EXOC4: variants seen among roughly 807,000 people sequenced by gnomAD.
The protein encoded by EXOC4 is SEC8-like 1.
Under a neutral mutation model 107.2 loss-of-function variants are expected in EXOC4, and 71 were observed. The observed-to-expected ratio is 0.66, with a 90% CI of 0.55 to 0.81. EXOC4 has a LOEUF of 0.81. EXOC4 is among the 30% of genes least tolerant of loss of function. EXOC4 has a pLI of 0.00. For missense variants in EXOC4, 1,108 were observed against 1,189.6 expected, an observed-to-expected ratio of 0.93 and a Z score of 1.01; for synonymous variants, 456 against 441.2, an observed-to-expected ratio of 1.03 and a Z score of -0.42.
chr7:133,895,526 T>C, intron 11 of EXOC4, 73 bp from the exon 12 acceptor site: 1 of 1,445,354 alleles, frequency 6.9e-7, no homozygotes, highest in Admixed American at 1.8e-5. Context: ...TATGACATAC[T>C]TGGAGTTGTC....
At chr7:133,410,509 C>T (rs545137478) in intron 7 of EXOC4, among the ~76,000 whole-genome samples, 20 of 152,172 alleles carry the variant, frequency 1.3e-4, no homozygotes, top group Middle Eastern at 3.4e-3. Context: ...ATTTGACTCA[C>T]CTGAGGGGTT....
intron 9 of EXOC4, among the ~76,000 whole-genome samples, chr7:133,595,197 C>G (rs1000575707): frequency 2.0e-5 from 3 of 152,088 alleles, no homozygotes; most frequent in African/African-American, 7.2e-5. Flanking sequence ...TGTGCAGGAA[C>G]ATGCAGGAGA....
intron 5 of EXOC4, among the ~76,000 whole-genome samples, chr7:133,328,504 G>GT: frequency 6.6e-6 from 1 of 152,110 alleles, no homozygotes; most frequent in South Asian, 2.1e-4. Flanking sequence ...TGTTGATGCA[G>GT]TTTTTTCATA....
chr7:133,722,264 A>T (rs1238321500), intron 10 of EXOC4, among the ~76,000 whole-genome samples: 1 of 152,224 alleles, frequency 6.6e-6, no homozygotes, highest in East Asian at 1.9e-4. Context: ...TGATTTTGAG[A>T]GTGTTAAGAC....
chr7:133,262,755 A>G (rs996081245), intron 1 of EXOC4, among the ~76,000 whole-genome samples: 4 of 152,186 alleles, frequency 2.6e-5, no homozygotes, highest in Non-Finnish European at 5.9e-5. Flanking sequence ...AAGTTTAGGT[A>G]GCCTTAGAAC....
At chr7:134,091,343 T>C in the EXOC4 span, among the ~76,000 whole-genome samples, 1 of 152,228 alleles carries the variant, frequency 6.6e-6, no homozygotes, top group Non-Finnish European at 1.5e-5. Flanking sequence ...GAACTTCCTG[T>C]CATTGCCATG....
chr7:133,299,426 C>T (rs557966312), intron 3 of EXOC4, among the ~76,000 whole-genome samples: 33 of 152,126 alleles, frequency 2.2e-4, no homozygotes, highest in Admixed American at 1.7e-3. Context: ...AGATTACTTT[C>T]GCTTTAATAA....
intron 7 of EXOC4, among the ~76,000 whole-genome samples, chr7:133,446,184 C>G (rs1357356728): frequency 6.6e-6 from 1 of 152,130 alleles, no homozygotes; most frequent in Non-Finnish European, 1.5e-5. Context: ...TCTCTGGTAT[C>G]AGTATTCTCT....
intron 9 of EXOC4, among the ~76,000 whole-genome samples, chr7:133,591,273 C>T (rs1801535915): frequency 6.6e-6 from 1 of 152,182 alleles, no homozygotes; most frequent in South Asian, 2.1e-4. Flanking sequence ...CTCAAACTGT[C>T]TTCCCACTTC....
intron 11 of EXOC4, among the ~76,000 whole-genome samples, chr7:133,835,599 G>C (rs1033135529): frequency 1.3e-5 from 2 of 152,130 alleles, no homozygotes; most frequent in Non-Finnish European, 2.9e-5. Flanking sequence ...TTCCAGCTTC[G>C]CTTTCTCCCT....
At chr7:133,437,648 T>G (rs1486949074) in intron 7 of EXOC4, among the ~76,000 whole-genome samples, 1 of 152,228 alleles carries the variant, frequency 6.6e-6, no homozygotes, top group African/African-American at 2.4e-5. Flanking sequence ...CCCGTTTTTC[T>G]GTGATGTTTC....
intron 7 of EXOC4, among the ~76,000 whole-genome samples, chr7:133,399,333 T>G (rs1183997695): frequency 1.3e-5 from 2 of 152,242 alleles, no homozygotes; most frequent in Non-Finnish European, 2.9e-5. Context: ...CATATAGGAA[T>G]GTGCACACAT....
At chr7:133,618,623 A>C (rs1802251853) in intron 9 of EXOC4, among the ~76,000 whole-genome samples, 1 of 152,150 alleles carries the variant, frequency 6.6e-6, no homozygotes. Flanking sequence ...TGAAGGACGG[A>C]GGTCAGTACT....
At chr7:133,802,035 G>A (rs1419707531) in intron 10 of EXOC4, among the ~76,000 whole-genome samples, 1 of 152,160 alleles carries the variant, frequency 6.6e-6, no homozygotes, top group East Asian at 1.9e-4. Flanking sequence ...TGCTCCTTGG[G>A]AAATTTTCTA....
chr7:133,613,663 T>G (rs1002328301), intron 9 of EXOC4, among the ~76,000 whole-genome samples: 3 of 151,930 alleles, frequency 2.0e-5, no homozygotes, highest in African/African-American at 7.3e-5. Flanking sequence ...TCTGCAGCTG[T>G]GGTTTCTTGC....
chr7:133,742,979 G>A (rs1411147038), intron 10 of EXOC4, among the ~76,000 whole-genome samples: 3 of 152,186 alleles, frequency 2.0e-5, no homozygotes, highest in Non-Finnish European at 4.4e-5. Flanking sequence ...AAAGATTCTT[G>A]CTGTGTAGGT....
chr7:133,708,833 CA>C (rs1562918218), intron 10 of EXOC4, among the ~76,000 whole-genome samples: 1 of 152,122 alleles, frequency 6.6e-6, no homozygotes, highest in Non-Finnish European at 1.5e-5. Context: ...AAAGTGGTTT[CA>C]AAAAACAAAA....
intron 10 of EXOC4, among the ~76,000 whole-genome samples, chr7:133,657,945 C>T (rs1803340773): frequency 6.6e-6 from 1 of 152,110 alleles, no homozygotes; most frequent in Admixed American, 6.5e-5. Context: ...CATTCCAACC[C>T]TCATGGTGCT....
At chr7:133,751,207 C>T (rs1354297264) in intron 10 of EXOC4, among the ~76,000 whole-genome samples, 1 of 152,178 alleles carries the variant, frequency 6.6e-6, no homozygotes, top group Non-Finnish European at 1.5e-5. Flanking sequence ...CATTTATTAG[C>T]AATTCTCTGG....
Sources: allele counts gnomAD v4.1 joint callset (sites outside exome capture counted in the v4.1 genomes callset), GRCh38; gene constraint gnomAD v4.1.1; transcripts MANE v1.5; gene names NCBI Gene and HGNC (gene_info 2026-07-23, HGNC 2026-07-21).